CAMTA1: variants seen among roughly 807,000 people sequenced by gnomAD.
The protein encoded by CAMTA1 is calmodulin binding transcription activator 1, also known as calmodulin-binding transcription activator 1.
A neutral mutation model predicts 170.9 loss-of-function variants in CAMTA1; 27 were observed. That is an observed-to-expected ratio of 0.16 (90% confidence interval 0.12 to 0.22). CAMTA1 has a LOEUF of 0.22. CAMTA1 is among the 10% of genes least tolerant of loss of function. The pLI, the probability that CAMTA1 is intolerant of heterozygous loss-of-function variation, is 1.00. For synonymous variants in CAMTA1, 833 were observed against 891.5 expected, an observed-to-expected ratio of 0.93 and a Z score of 1.17; for missense variants, 1,619 against 2,217.2, an observed-to-expected ratio of 0.73 and a Z score of 5.42.
intron 11 of CAMTA1, among the ~76,000 whole-genome samples, chr1:7,715,061 C>T (rs2096598684): frequency 6.6e-6 from 1 of 152,158 alleles, no homozygotes; most frequent in African/African-American, 2.4e-5. Context: ...TCTGTAACAT[C>T]ATGAGTCCTG....
intron 3 of CAMTA1, among the ~76,000 whole-genome samples, chr1:6,853,879 A>G (rs990670905): frequency 2.0e-5 from 3 of 152,232 alleles, no homozygotes; most frequent in Non-Finnish European, 2.9e-5. Flanking sequence ...CTACCTCTGT[A>G]TGTACCTAAA....
At chr1:7,145,545 T>C (rs1646132390) in intron 4 of CAMTA1, among the ~76,000 whole-genome samples, 1 of 152,172 alleles carries the variant, frequency 6.6e-6, no homozygotes, top group Admixed American at 6.5e-5. Context: ...GACTTGGGAA[T>C]GAGCTGGAGC....
At chr1:7,489,718 CT>C (rs2093674170) in intron 6 of CAMTA1, among the ~76,000 whole-genome samples, 1 of 152,236 alleles carries the variant, frequency 6.6e-6, no homozygotes, top group Admixed American at 6.5e-5. Flanking sequence ...CCCCACCCTC[CT>C]GAGGCTGTAG....
intron 6 of CAMTA1, among the ~76,000 whole-genome samples, chr1:7,487,544 G>A (rs1007100468): frequency 2.6e-5 from 4 of 152,220 alleles, no homozygotes; most frequent in Non-Finnish European, 5.9e-5. Context: ...GCTCTGTCTG[G>A]ACGTCCATGG....
chr1:7,077,224 G>GTTTTT (rs113439901), intron 3 of CAMTA1, among the ~76,000 whole-genome samples: 43 of 118,614 alleles, frequency 3.6e-4, no homozygotes, highest in African/African-American at 1.2e-3. Context: ...TTAAGGAAAG[G>GTTTTT]TTTTTTTTTT....
chr1:7,035,363 G>A (rs1288521501), intron 3 of CAMTA1, among the ~76,000 whole-genome samples: 1 of 151,812 alleles, frequency 6.6e-6, no homozygotes, highest in Non-Finnish European at 1.5e-5. Context: ...TTGCGCCATT[G>A]CACTCCAGCC....
chr1:7,369,546 A>G (rs1187081996), intron 5 of CAMTA1, among the ~76,000 whole-genome samples: 1 of 152,072 alleles, frequency 6.6e-6, no homozygotes, highest in Non-Finnish European at 1.5e-5. Context: ...CACATGGGGT[A>G]GGGTGCAGAC....
rs757978408 is a variant in CAMTA1, at chr1:7,041,807, C to T, written c.235-49497C>T. ...CAGTCTGTCTTCATATTCAAAACAGCAAGGCCTAGACTATCTCGATACCTT... is the reference window on the plus strand; with the variant it reads ...CAGTCTGTCTTCATATTCAAAACAGTAAGGCCTAGACTATCTCGATACCTT... On this transcript the variant is annotated intron_variant, in intron 3 of 22. Coordinates refer to ENST00000303635, the MANE Select transcript of CAMTA1 (RefSeq NM_015215.4). The surrounding 1 kb of genome is among the most constrained non-coding windows in gnomAD (Gnocchi z 5.1). Among the ~76,000 whole-genome samples, 4 of 152,164 alleles carry T rather than the reference C, an allele frequency of 2.6e-5. No individual in the cohort carries two copies. Among genetic ancestry groups the T allele is most frequent in the Non-Finnish European group, 4.4e-5 (3 of 68,038 alleles).
chr1:6,937,757 C>T (rs1422704805), intron 3 of CAMTA1, among the ~76,000 whole-genome samples: 2 of 151,158 alleles, frequency 1.3e-5, no homozygotes, highest in Non-Finnish European at 3.0e-5. Context: ...ATAATCATCA[C>T]TATCACCATC....
intron 9 of CAMTA1, among the ~76,000 whole-genome samples, chr1:7,668,425 A>ACACACACC (rs879773700): frequency 7.3e-6 from 1 of 137,304 alleles, no homozygotes; most frequent in Non-Finnish European, 1.6e-5. Context: ...ACACACACAC[A>ACACACACC]CACACACCCA....
intron 6 of CAMTA1, among the ~76,000 whole-genome samples, chr1:7,481,510 C>T (rs1263702907): frequency 6.6e-6 from 1 of 152,216 alleles, no homozygotes; most frequent in African/African-American, 2.4e-5. Flanking sequence ...CCTCTTGACA[C>T]TCCATCTACT....
At chr1:7,766,127 G>T (rs2097022620) in intron 22 of CAMTA1, among the ~76,000 whole-genome samples, 1 of 151,540 alleles carries the variant, frequency 6.6e-6, no homozygotes, top group East Asian at 1.9e-4. Context: ...AGACTAAAAA[G>T]AAAGTTATTT....
intron 3 of CAMTA1, among the ~76,000 whole-genome samples, chr1:7,083,006 T>C (rs1435260088): frequency 3.3e-5 from 5 of 152,236 alleles, no homozygotes; most frequent in Admixed American, 3.3e-4. Context: ...AGGTGCTCAA[T>C]AATTCATCGA....
chr1:7,454,866 G>A (rs768532266), intron 5 of CAMTA1, among the ~76,000 whole-genome samples: 3 of 152,182 alleles, frequency 2.0e-5, no homozygotes, highest in East Asian at 1.9e-4. Flanking sequence ...ATCCCAGAGC[G>A]CTCACAGTGC....
chr1:7,221,003 G>A (rs1446778597), intron 4 of CAMTA1, among the ~76,000 whole-genome samples: 5 of 152,144 alleles, frequency 3.3e-5, no homozygotes, highest in East Asian at 1.9e-4. Flanking sequence ...GTGCCCTCAC[G>A]GGGAATTCCT....
chr1:7,386,919 G>A (rs2088070057), intron 5 of CAMTA1, among the ~76,000 whole-genome samples: 1 of 152,194 alleles, frequency 6.6e-6, no homozygotes, highest in African/African-American at 2.4e-5. Flanking sequence ...GTGACGTTCA[G>A]TGCTGCTGCC....
chr1:7,434,431 T>C (rs958257529), intron 5 of CAMTA1, among the ~76,000 whole-genome samples: 2 of 147,162 alleles, frequency 1.4e-5, no homozygotes, highest in African/African-American at 5.1e-5. Context: ...TGGCCACCCC[T>C]GGGGCTTAGG....
chr1:7,364,121 C>T (rs796791179), intron 5 of CAMTA1, among the ~76,000 whole-genome samples: 2 of 152,322 alleles, frequency 1.3e-5, no homozygotes, highest in South Asian at 4.2e-4. Flanking sequence ...CCCTGCCTCA[C>T]AGGATGACTC....
chr1:7,586,176 G>A (rs1418827195), intron 6 of CAMTA1, among the ~76,000 whole-genome samples: 1 of 152,046 alleles, frequency 6.6e-6, no homozygotes, highest in African/African-American at 2.4e-5. Context: ...TCAGGGCCCC[G>A]GGCACCCTCC....
Sources: allele counts gnomAD v4.1 joint callset (sites outside exome capture counted in the v4.1 genomes callset), GRCh38; gene constraint gnomAD v4.1.1; non-coding constraint Gnocchi (gnomAD v3.1); transcripts MANE v1.5; gene names NCBI Gene and HGNC (gene_info 2026-07-23, HGNC 2026-07-21).